PHTF2: variants seen among roughly 807,000 people sequenced by gnomAD.
PHTF2 encodes protein PHTF2.
In PHTF2, 60 loss-of-function variants were observed where a neutral mutation model predicts 101.2. That is an observed-to-expected ratio of 0.59 (90% CI 0.48 to 0.73). The LOEUF (loss-of-function observed/expected upper bound fraction) is 0.73, where lower values mean the gene tolerates loss of function less well. Among genes scored for constraint, PHTF2 ranks in the 30% least tolerant of loss-of-function variants. PHTF2 has a pLI of 0.00. For synonymous variants in PHTF2, 311 were observed against 307.3 expected (o/e 1.01, Z -0.13); for missense variants, 747 against 908.7 (o/e 0.82, Z 2.29).
At chr7:77,804,605 C>T (rs1243699740) in intron 1 of PHTF2, among the ~76,000 whole-genome samples, 3 of 152,180 alleles carry the variant, frequency 2.0e-5, no homozygotes, top group Middle Eastern at 3.2e-3. Flanking sequence ...GGATTACAGG[C>T]GTGAGCCACT....
chr7:77,886,105 A>T (rs62462688), intron 3 of PHTF2, among the ~76,000 whole-genome samples: 34,172 of 152,036 alleles, frequency 0.22, 4,233 homozygotes, highest in South Asian at 0.29. Flanking sequence ...TTAATCTTTT[A>T]TCTAAGCACT....
intron 3 of PHTF2, among the ~76,000 whole-genome samples, chr7:77,881,718 A>G (rs909137706): frequency 1.3e-5 from 2 of 152,158 alleles, no homozygotes; most frequent in Admixed American, 6.5e-5. Context: ...GTCATGGTTA[A>G]TAGTAGCAGT....
intron 1 of PHTF2, among the ~76,000 whole-genome samples, chr7:77,802,295 A>C (rs141362969): frequency 6.6e-6 from 1 of 152,326 alleles, no homozygotes; most frequent in East Asian, 1.9e-4. Context: ...GAAATTGCAT[A>C]CTTAGATACT....
chr7:77,843,168 A>G (rs944629716), intron 2 of PHTF2, among the ~76,000 whole-genome samples: 7 of 152,030 alleles, frequency 4.6e-5, no homozygotes, highest in Non-Finnish European at 7.4e-5. Flanking sequence ...TCCCCCCTCT[A>G]TCATCCCAGT....
chr7:77,935,283 C>T (rs1030416882), intron 12 of PHTF2, among the ~76,000 whole-genome samples: 1 of 128,954 alleles, frequency 7.8e-6, no homozygotes, highest in South Asian at 2.7e-4. Context: ...AGTGCAGTGG[C>T]GCGATCTCGG....
At chr7:77,894,103 A>G in intron 5 of PHTF2, 110 bp downstream of exon 4, 2 of 868,090 alleles carry the variant, frequency 2.3e-6, no homozygotes, top group Non-Finnish European at 4.0e-6. Flanking sequence ...ACTCGAAAAG[A>G]GTCACTGAAA....
chr7:77,799,968 G>T (rs989160264), intron 1 of PHTF2, among the ~76,000 whole-genome samples: 1 of 151,860 alleles, frequency 6.6e-6, no homozygotes, highest in Non-Finnish European at 1.5e-5. Flanking sequence ...TAAGGTTTTT[G>T]GTTAGCTTTT....
chr7:77,842,848 C>G (rs1250622931), intron 2 of PHTF2, among the ~76,000 whole-genome samples: 2 of 152,176 alleles, frequency 1.3e-5, no homozygotes, highest in Admixed American at 1.3e-4. Context: ...GCTGCAACCA[C>G]TCAACCTTGC....
At chr7:77,863,655 C>CT (rs71082790) in intron 3 of PHTF2, among the ~76,000 whole-genome samples, 8,204 of 143,846 alleles carry the variant, frequency 0.057, 297 homozygotes, top group South Asian at 0.1. Context: ...TTATTAAAGA[C>CT]TTTTTTTTTT....
chr7:77,870,823 A>G (rs893409074), intron 3 of PHTF2, among the ~76,000 whole-genome samples: 1 of 152,222 alleles, frequency 6.6e-6, no homozygotes, highest in African/African-American at 2.4e-5. Flanking sequence ...ACAACCAGAA[A>G]TGCACCAATC....
intron 9 of PHTF2, among the ~76,000 whole-genome samples, chr7:77,910,774 T>C (rs1802314895): frequency 6.6e-6 from 1 of 152,176 alleles, no homozygotes; most frequent in Non-Finnish European, 1.5e-5. Context: ...CCCGAGTAGC[T>C]GGGCTTACAG....
chr7:77,930,695 A>G (rs1313694022), intron 12 of PHTF2, among the ~76,000 whole-genome samples: 1 of 152,216 alleles, frequency 6.6e-6, no homozygotes, highest in Non-Finnish European at 1.5e-5. Context: ...GTCCAAGATC[A>G]GGGTGCCAGC....
chr7:77,887,259 T>TAG (rs1799944626), intron 3 of PHTF2, among the ~76,000 whole-genome samples: 1 of 152,142 alleles, frequency 6.6e-6, no homozygotes, highest in African/African-American at 2.4e-5. Flanking sequence ...ATTTTCCTGT[T>TAG]AGAACAGTCT....
intron 1 of PHTF2, among the ~76,000 whole-genome samples, chr7:77,814,136 C>T (rs939058395): frequency 1.2e-4 from 19 of 152,172 alleles, no homozygotes; most frequent in Non-Finnish European, 2.1e-4. Context: ...TAATTGCAAG[C>T]CCAGGCTGTA....
intron 7 of PHTF2, among the ~76,000 whole-genome samples, chr7:77,903,790 A>G (rs1182638209): frequency 1.3e-5 from 2 of 152,128 alleles, no homozygotes; most frequent in African/African-American, 4.8e-5. Context: ...AAACCACTGT[A>G]TGTCTGTCTC....
chr7:77,869,716 A>T (rs1798365632), intron 3 of PHTF2, among the ~76,000 whole-genome samples: 1 of 152,136 alleles, frequency 6.6e-6, no homozygotes, highest in Admixed American at 6.5e-5. Flanking sequence ...AGATCTCACC[A>T]GCATATGTTA....
intron 3 of PHTF2, among the ~76,000 whole-genome samples, chr7:77,869,199 GATAC>G (rs1259979786): frequency 6.6e-6 from 1 of 151,982 alleles, no homozygotes; most frequent in Non-Finnish European, 1.5e-5. Context: ...GTAATATTTT[GATAC>G]ATACAATGGG....
chr7:77,836,217 A>G (rs982496024), intron 1 of PHTF2, among the ~76,000 whole-genome samples: 4 of 151,932 alleles, frequency 2.6e-5, no homozygotes, highest in Admixed American at 6.6e-5. Context: ...CATCCTTGTC[A>G]TCTTCACACT....
chr7:77,849,873 T>C (rs999864232), intron 2 of PHTF2, among the ~76,000 whole-genome samples: 1 of 152,252 alleles, frequency 6.6e-6, no homozygotes, highest in African/African-American at 2.4e-5. Flanking sequence ...GCAACTTGAC[T>C]GAATTTGTTC....
Sources: gnomAD v4.1 joint callset for allele counts (sites outside exome capture counted in the v4.1 genomes callset) on GRCh38, gnomAD v4.1.1 for gene constraint, MANE v1.5 for transcripts, NCBI Gene and HGNC (gene_info 2026-07-23, HGNC 2026-07-21) for gene names.